Variants in BBX observed in about 807,000 individuals in gnomAD.
The protein encoded by BBX is HMG box transcription factor BBX.
BBX carries 30 observed loss-of-function variants against 100.2 expected under a neutral mutation model. The ratio of observed to expected loss-of-function variants is 0.30; its 90% CI spans 0.22 to 0.41. The LOEUF is 0.41. Ranked by LOEUF, BBX falls within the 10% of genes least tolerant of loss-of-function variation. BBX has a pLI of 1.00. For missense variants in BBX, 1,023 were observed against 1,129.8 expected, an observed-to-expected ratio of 0.91 and a Z score of 1.35; for synonymous variants, 376 against 388.1, an observed-to-expected ratio of 0.97 and a Z score of 0.37.
chr3:107,726,060 T>C (rs1394655489), intron 5 of BBX, among the ~76,000 whole-genome samples: 1 of 152,022 alleles, frequency 6.6e-6, no homozygotes, highest in Non-Finnish European at 1.5e-5. Flanking sequence ...TTTTCAGTCC[T>C]GTAATGAGGG....
chr3:107,761,412 A>G (rs989329058), intron 10 of BBX, among the ~76,000 whole-genome samples: 5 of 152,182 alleles, frequency 3.3e-5, no homozygotes, highest in African/African-American at 7.2e-5. Context: ...CTTGGCAGCT[A>G]TGTATGGAAT....
intron 3 of BBX, among the ~76,000 whole-genome samples, chr3:107,647,939 G>A (rs1207074982): frequency 1.3e-5 from 2 of 152,156 alleles, no homozygotes; most frequent in Non-Finnish European, 2.9e-5. Flanking sequence ...AAGGCTGCTT[G>A]GAAGTGGCAC....
rs558192544 is a variant in BBX, at chr3:107,659,406, T to A, written c.-10+13497T>A. The stretch of plus-strand genomic sequence containing the variant: ...TATTAACTAGAGTTCAATATTTATG[T>A]ATAATTTTTTGATGTAAGTCTACAT... On this transcript the variant is annotated intron_variant, in intron 3 of 17. Coordinates refer to ENST00000325805, the MANE Select transcript of BBX (RefSeq NM_001142568.3). Among the ~76,000 whole-genome samples the A allele has an allele frequency of 5.9e-5, 9 of 152,248 alleles. No individual in the cohort carries two copies. In the East Asian group the frequency reaches 1.7e-3, roughly 29 times the overall value.
chr3:107,562,365 G>A (rs1484726694), intron 2 of BBX, among the ~76,000 whole-genome samples: 2 of 152,046 alleles, frequency 1.3e-5, no homozygotes, highest in Non-Finnish European at 2.9e-5. Flanking sequence ...GATGTAGAGT[G>A]TCTTAAAAGA....
intron 2 of BBX, among the ~76,000 whole-genome samples, chr3:107,545,778 GT>G (rs2049190175): frequency 6.6e-6 from 1 of 152,296 alleles, no homozygotes; most frequent in Admixed American, 6.5e-5. Flanking sequence ...CCCTGGTCCA[GT>G]TTGGGTCTTG....
At chr3:107,714,841 A>G (rs2061988633) in intron 4 of BBX, among the ~76,000 whole-genome samples, 1 of 151,702 alleles carries the variant, frequency 6.6e-6, no homozygotes, top group African/African-American at 2.4e-5. Context: ...GCTGGAGTGT[A>G]GTGGTGTGAT....
chr3:107,578,594 G>GT (rs1052466672), intron 2 of BBX, among the ~76,000 whole-genome samples: 3 of 152,078 alleles, frequency 2.0e-5, no homozygotes, highest in South Asian at 2.1e-4. Flanking sequence ...AGAAACATGG[G>GT]TTTTTTTATG....
intron 2 of BBX, among the ~76,000 whole-genome samples, chr3:107,579,395 T>C (rs1401077656): frequency 6.6e-6 from 1 of 152,180 alleles, no homozygotes; most frequent in Non-Finnish European, 1.5e-5. Flanking sequence ...CACTAGCTAG[T>C]TATAGGGCCA....
At chr3:107,738,927 C>T (rs932581742) in intron 7 of BBX, among the ~76,000 whole-genome samples, 10 of 152,016 alleles carry the variant, frequency 6.6e-5, no homozygotes, top group African/African-American at 2.4e-4. Context: ...TCTCAAAGGT[C>T]GTAGAATGAG....
At chr3:107,679,689 GAACA>G (rs2059473160) in intron 3 of BBX, among the ~76,000 whole-genome samples, 1 of 152,100 alleles carries the variant, frequency 6.6e-6, no homozygotes, top group South Asian at 2.1e-4. Context: ...AATAAAACAT[GAACA>G]AACAGAACCA....
intron 3 of BBX, among the ~76,000 whole-genome samples, chr3:107,668,855 G>A (rs1454451918): frequency 6.6e-6 from 1 of 152,052 alleles, no homozygotes; most frequent in African/African-American, 2.4e-5. Context: ...AAAGGTTCTG[G>A]CTCTTATTTT....
chr3:107,760,985 T>G (rs990679928), intron 10 of BBX, among the ~76,000 whole-genome samples: 1 of 152,230 alleles, frequency 6.6e-6, no homozygotes, highest in Non-Finnish European at 1.5e-5. Context: ...GATTAGTGGT[T>G]GCCCTTTTGG....
intron 2 of BBX, among the ~76,000 whole-genome samples, chr3:107,596,649 T>C (rs1242154881): frequency 2.0e-5 from 3 of 152,130 alleles, no homozygotes; most frequent in Non-Finnish European, 4.4e-5. Flanking sequence ...GAGTGCTCAG[T>C]GGGATTAATG....
intron 2 of BBX, 37 bp downstream of exon 2, chr3:107,526,435 G>T: frequency 2.5e-6 from 1 of 398,478 alleles, no homozygotes; most frequent in South Asian, 1.3e-4. Context: ...GAAGCAGGAT[G>T]ACAATTAGTA....
In BBX at chr3:107,733,159, A is replaced by T. The variant is rs1459382888; in HGVS notation, c.669+136A>T. The T allele has an allele frequency of 5.2e-6, 4 of 769,180 alleles. No individual in the cohort carries two copies. In the African/African-American group the frequency reaches 5.3e-5, roughly 10 times the overall value. 47.6% of individuals were successfully genotyped at this position (769,180 alleles called of 1,614,324 possible). ...AAACTTTATAATCTTTCTCTTTAAGATCTTTCTGTGTGTCTTGTGTGTTGA... is the reference window on the plus strand; with the variant it reads ...AAACTTTATAATCTTTCTCTTTAAGTTCTTTCTGTGTGTCTTGTGTGTTGA... On this transcript the variant is annotated intron_variant, in intron 7 of 17. Transcript: ENST00000325805.
At chr3:107,731,711 AT>A (rs35114877) in intron 6 of BBX, among the ~76,000 whole-genome samples, 14,558 of 149,028 alleles carry the variant, frequency 0.098, 928 homozygotes, top group Admixed American at 0.14. Flanking sequence ...TTTTTTTGCA[AT>A]TTTTTTTTTA....
At chr3:107,621,538 G>A (rs2055767716) in intron 2 of BBX, among the ~76,000 whole-genome samples, 2 of 152,158 alleles carry the variant, frequency 1.3e-5, no homozygotes, top group Admixed American at 1.3e-4. Context: ...AAAGAATATA[G>A]CTTAGAACTC....
At chr3:107,803,949 TTTTG>T in intron 17 of BBX, among the ~76,000 whole-genome samples, 1 of 7,444 alleles carries the variant, frequency 1.3e-4, no homozygotes, top group East Asian at 4.0e-3. Flanking sequence ...TTTTCATCTT[TTTTG>T]TTTTTTTTTT....
intron 3 of BBX, among the ~76,000 whole-genome samples, chr3:107,666,942 C>T (rs1199489311): frequency 6.6e-6 from 1 of 152,208 alleles, no homozygotes; most frequent in Non-Finnish European, 1.5e-5. Flanking sequence ...ACACATAAAA[C>T]ACTCAAGATT....
Sources: allele counts gnomAD v4.1 joint callset (sites outside exome capture counted in the v4.1 genomes callset), GRCh38; gene constraint gnomAD v4.1.1; transcripts MANE v1.5; gene names NCBI Gene and HGNC (gene_info 2026-07-23, HGNC 2026-07-21).